MAP9: variants seen among roughly 807,000 people sequenced by gnomAD.
The protein encoded by MAP9 is microtubule associated protein 9.
Under a neutral mutation model 75.2 loss-of-function variants are expected in MAP9, and 80 were observed. That is an observed-to-expected ratio of 1.06 (90% CI 0.89 to 1.28). MAP9 has a LOEUF of 1.28. Among genes scored for constraint, MAP9 ranks in the 50% most tolerant of loss-of-function variants. The pLI is 0.00. For synonymous variants in MAP9, 235 were observed against 237.3 expected, an observed-to-expected ratio of 0.99 and a Z score of 0.09; for missense variants, 753 against 719.9, an observed-to-expected ratio of 1.05 and a Z score of -0.53.
chr4:155,350,838 G>A (rs1578831388), intron 13 of MAP9, among the ~76,000 whole-genome samples: 1 of 151,958 alleles, frequency 6.6e-6, no homozygotes, highest in Non-Finnish European at 1.5e-5. Flanking sequence ...GGTTAAGTGT[G>A]TTTCTGTGCA....
At position 155,344,364 on chromosome 4, in the gene MAP9, C is replaced by T. The variant is rs1731210887; in HGVS notation, c.*3419G>A. On this transcript the variant is annotated 3_prime_UTR_variant, in exon 14 of 14. Transcript: ENST00000311277. The stretch of plus-strand genomic sequence containing the variant: ...GGTGAGCAGAATACAACTGGGACCC[C>T]TGATACTGAGATCTAACTCTAGATG... 1 of 151,908 alleles carries T rather than the reference C, an allele frequency of 6.6e-6. No homozygotes were observed. The highest frequency in any genetic ancestry group is 6.6e-5 in the Admixed American group (1 of 15,236). The allele number at this position is 151,908 out of a possible 1,614,324, so 9.4% of individuals were successfully genotyped here.
chr4:155,352,398 G>A (rs1019734657), intron 13 of MAP9, 198 bp downstream of exon 13: 53 of 457,486 alleles, frequency 1.2e-4, no homozygotes, highest in African/African-American at 9.9e-4. Context: ...GGGTGTTTGA[G>A]GGAATAGTAG....
intron 8 of MAP9, chr4:155,357,214 A>T (rs2111219008): frequency 2.2e-6 from 1 of 454,154 alleles, no homozygotes; most frequent in South Asian, 2.4e-5. Context: ...TATTGCATAA[A>T]CATTCCAGGC....
chr4:155,365,624 A>G (rs1317069645), intron 5 of MAP9, among the ~76,000 whole-genome samples: 1 of 152,142 alleles, frequency 6.6e-6, no homozygotes, highest in African/African-American at 2.4e-5. Flanking sequence ...AATAATAATA[A>G]TAATTTTTAA....
chr4:155,352,009 G>T (rs143768980), intron 13 of MAP9, among the ~76,000 whole-genome samples: 61 of 151,868 alleles, frequency 4.0e-4, no homozygotes, highest in African/African-American at 1.4e-3. Flanking sequence ...ATAATATTTT[G>T]CTTGACATCA....
intron 7 of MAP9, among the ~76,000 whole-genome samples, chr4:155,358,732 CAAAT>C (rs529132601): frequency 2.6e-5 from 4 of 151,768 alleles, no homozygotes; most frequent in Non-Finnish European, 5.9e-5. Context: ...CAACAAAAAA[CAAAT>C]AACCCCACTA....
chr4:155,364,897 T>A (rs1285086749), intron 5 of MAP9, among the ~76,000 whole-genome samples: 1 of 151,340 alleles, frequency 6.6e-6, no homozygotes, highest in African/African-American at 2.4e-5. Context: ...AAAAGGTCAA[T>A]AATAATAAAA....
rs774443331 is a variant in MAP9, at chr4:155,355,211, T to G, written c.1291-51A>C. On this transcript the variant is annotated intron_variant, in intron 9 of 13. Coordinates refer to ENST00000311277, the MANE Select transcript of MAP9 (RefSeq NM_001039580.2). ...TAATATTTAAAATTTCTTAAGTGAATTAGAATTCTTTATATTAACATTTTC... is the reference window on the plus strand; with the variant it reads ...TAATATTTAAAATTTCTTAAGTGAAGTAGAATTCTTTATATTAACATTTTC... 8.8e-6 allele frequency: 5 copies of G among 566,146 alleles called. No individual in the cohort carries two copies. In the South Asian group the frequency reaches 1.7e-4, roughly 19 times the overall value. 35.1% of individuals were successfully genotyped at this position (566,146 alleles called of 1,614,324 possible).
Position 155,360,371 on chromosome 4 carries a change from C to T in MAP9, c.847G>A (p.Asp283Asn). ...GAAAATGAATTCTCTTTATTTTCAT[C>T]TGATTTCAAGGAATTATGGTTTTCA... is the stretch of plus-strand genomic sequence containing the variant. ...ITENHNSLKS[D>N]ENKENSFSAD... The change falls in exon 7 of 14, where the codon GAT (aspartate) becomes AAT (asparagine). Residue 283 changes from aspartate (D) to asparagine (N), a missense_variant. Coordinates refer to ENST00000311277, the MANE Select transcript of MAP9 (RefSeq NM_001039580.2). The T allele has an allele frequency of 6.2e-7, 1 of 1,612,330 alleles. No individual in the cohort carries two copies. The highest frequency in any genetic ancestry group is 8.5e-7 in the Non-Finnish European group (1 of 1,179,022).
Position 155,368,852 on chromosome 4 carries a change from G to A in MAP9, c.482-40C>T, listed in dbSNP as rs148005850. The stretch of plus-strand genomic sequence containing the variant: ...GCTTAAAGTGTGTGTATAAAAAAAT[G>A]ACCATGGCTTTATCTATCTCTCTGG... On this transcript the variant is annotated intron_variant, in intron 4 of 13. Transcript: ENST00000311277. The A allele has an allele frequency of 7.3e-5, 110 of 1,515,866 alleles. No individual in the cohort carries two copies. The East Asian group carries it at 2.4e-3, about 33-fold the overall frequency. 93.9% of individuals were successfully genotyped at this position (1,515,866 alleles called of 1,614,324 possible).
chr4:155,358,044 C>T (rs1731885688), intron 7 of MAP9, among the ~76,000 whole-genome samples: 1 of 152,112 alleles, frequency 6.6e-6, no homozygotes, highest in Non-Finnish European at 1.5e-5. Flanking sequence ...GATGAGGAGT[C>T]TGGATGGAAT....
intron 10 of MAP9, 83 bp from the exon 11 acceptor site, chr4:155,353,423 CATATACATTTATCTTT>C (rs774549849): frequency 8.5e-4 from 946 of 1,113,550 alleles, no homozygotes; most frequent in Non-Finnish European, 1.0e-3. Flanking sequence ...TAAATATACA[CATATACATTTATCTTT>C]AGTCCTCTGA....
At position 155,373,322 on chromosome 4, in the gene MAP9, C is replaced by T. The variant is rs148881670; in HGVS notation, c.295G>A (p.Gly99Ser). The change falls in exon 4 of 14, where the codon GGT (glycine) becomes AGT (serine). Residue 99 changes from glycine to serine, a missense_variant. By Grantham distance (56) the Gly-to-Ser change is moderately conservative. Transcript: ENST00000311277. ...ACTGGCTCATCTTTGGTTATGTTAC[C>T]GTTTGATTTATTGGTTTTCAAAAAC... ...LLFLKTNKSN[G>S]NITKDEPVCA... 31 of 1,613,446 alleles carry T rather than the reference C, an allele frequency of 1.9e-5. No individual in the cohort carries two copies. In the African/African-American group the frequency reaches 2.4e-4, roughly 13 times the overall value.
intron 5 of MAP9, chr4:155,368,131 AAC>A (rs1732412785): frequency 5.3e-6 from 1 of 188,786 alleles, no homozygotes; most frequent in Admixed American, 5.6e-5. Context: ...ATGAACATTC[AAC>A]ACACATTTGT....
intron 7 of MAP9, among the ~76,000 whole-genome samples, chr4:155,359,210 T>TATATACACACACACACAC (rs371399839): frequency 5.5e-5 from 8 of 145,478 alleles, no homozygotes; most frequent in African/African-American, 1.8e-4. Flanking sequence ...AAAATGTGTA[T>TATATACACACACACACAC]ACACACACAC....
chr4:155,356,127 C>A (rs550994147), intron 8 of MAP9, among the ~76,000 whole-genome samples: 2 of 151,924 alleles, frequency 1.3e-5, no homozygotes, highest in Non-Finnish European at 2.9e-5. Context: ...AATTAGCTGG[C>A]GTGGTGGCAC....
At chr4:155,371,716 G>C (rs1202560149) in intron 4 of MAP9, among the ~76,000 whole-genome samples, 2 of 139,578 alleles carry the variant, frequency 1.4e-5, no homozygotes, top group Non-Finnish European at 3.1e-5. Flanking sequence ...CCCACCACAG[G>C]TTTTTTTTTT....
In MAP9 at chr4:155,347,832, A is replaced by C; in HGVS notation, c.1895T>G (p.Leu632Arg). The change falls in exon 14 of 14, where the codon CTT (leucine) becomes CGT (arginine). Residue 632 changes from leucine (L) to arginine (R), a missense_variant. Coordinates refer to ENST00000311277, the MANE Select transcript of MAP9 (RefSeq NM_001039580.2). ...TCTGCTTGGAGGGCTCCACGGAGGA[A>C]GTGCCTCACTTTCAAGAAAGGAATG... is the stretch of plus-strand genomic sequence containing the variant. ...KRHSFLESEA[L>R]PPWSPPSRTV... 6.2e-7 allele frequency: 1 copy of C among 1,609,942 alleles called. No homozygotes were observed. The highest frequency in any genetic ancestry group is 8.5e-7 in the Non-Finnish European group (1 of 1,177,450).
At chr4:155,350,315 T>C in intron 13 of MAP9, 1 of 411,124 alleles carries the variant, frequency 2.4e-6, no homozygotes, top group Non-Finnish European at 4.7e-6. Flanking sequence ...TGTTTATAGG[T>C]GTACTATATT....
Sources: gnomAD v4.1 joint callset for allele counts (sites outside exome capture counted in the v4.1 genomes callset) on GRCh38, gnomAD v4.1.1 for gene constraint, MANE v1.5 for transcripts, NCBI Gene and HGNC (gene_info 2026-07-23, HGNC 2026-07-21) for gene names.